The following PDE3A variants were observed in gnomAD, a reference collection of about 807,000 sequenced individuals.
PDE3A encodes the protein cGMP-inhibited 3',5'-cyclic phosphodiesterase 3A.
In PDE3A, 43 loss-of-function variants were observed where a neutral mutation model predicts 98.3. That is an observed-to-expected ratio of 0.44 (90% CI 0.34 to 0.56). The LOEUF (loss-of-function observed/expected upper bound fraction) is 0.56, where lower values mean the gene tolerates loss of function less well. Among genes scored for constraint, PDE3A ranks in the 20% least tolerant of loss-of-function variants. The pLI, the probability that PDE3A is intolerant of heterozygous loss-of-function variation, is 0.01. For missense variants in PDE3A, 1,427 were observed against 1,440.7 expected, an observed-to-expected ratio of 0.99 and a Z score of 0.15; for synonymous variants, 663 against 567.9, an observed-to-expected ratio of 1.17 and a Z score of -2.38.
At chr12:20,498,837 T>G (rs1280359070) in intron 1 of PDE3A, among the ~76,000 whole-genome samples, 1 of 152,194 alleles carries the variant, frequency 6.6e-6, no homozygotes, top group Non-Finnish European at 1.5e-5. Flanking sequence ...TTTCTTTTTC[T>G]CTTTCCTTGC....
intron 1 of PDE3A, among the ~76,000 whole-genome samples, chr12:20,500,905 C>T (rs1317049387): frequency 6.6e-6 from 1 of 151,616 alleles, no homozygotes; most frequent in Non-Finnish European, 1.5e-5. Context: ...GTAGCTGGAA[C>T]TACAAGTGTG....
At chr12:20,530,342 T>A (rs913867512) in intron 1 of PDE3A, among the ~76,000 whole-genome samples, 3 of 152,214 alleles carry the variant, frequency 2.0e-5, no homozygotes, top group Non-Finnish European at 4.4e-5. Context: ...CTACAACTTA[T>A]GGGCATACCC....
chr12:20,675,955 A>G (rs1026652645), intron 15 of PDE3A, among the ~76,000 whole-genome samples: 2 of 152,182 alleles, frequency 1.3e-5, no homozygotes, highest in East Asian at 3.8e-4. Context: ...TTGTGAATGG[A>G]AATCTTAGTC....
intron 2 of PDE3A, among the ~76,000 whole-genome samples, chr12:20,598,053 AT>A (rs1404085809): frequency 6.6e-6 from 1 of 152,160 alleles, no homozygotes; most frequent in Non-Finnish European, 1.5e-5. Flanking sequence ...TTTTCCAAAA[AT>A]ATTTTTACAA....
intron 1 of PDE3A, among the ~76,000 whole-genome samples, chr12:20,403,884 C>T (rs1944179362): frequency 6.6e-6 from 1 of 151,896 alleles, no homozygotes; most frequent in African/African-American, 2.4e-5. Flanking sequence ...ATATATGTAT[C>T]TTGAGAGACG....
At chr12:20,402,253 A>G (rs1944146871) in intron 1 of PDE3A, among the ~76,000 whole-genome samples, 1 of 152,084 alleles carries the variant, frequency 6.6e-6, no homozygotes, top group Non-Finnish European at 1.5e-5. Context: ...GGGTCAAGCA[A>G]TTCTCCTGGC....
chr12:20,627,982 C>T (rs1024922037), intron 5 of PDE3A, among the ~76,000 whole-genome samples: 9 of 152,172 alleles, frequency 5.9e-5, no homozygotes, highest in African/African-American at 2.2e-4. Flanking sequence ...TTAACCTTTA[C>T]ATCAGAGCAC....
Position 20,617,918 on chromosome 12 carries a change from G to A in PDE3A, c.1424+1534G>A, listed in dbSNP as rs534952715. Among the ~76,000 whole-genome samples the A allele has an allele frequency of 2.6e-5, 4 of 152,178 alleles. No individual in the cohort carries two copies. In the South Asian group the frequency reaches 6.2e-4, roughly 24 times the overall value. ...TTCCAAGGACTTTTAAGAACTTAAC[G>A]CCCAAGGATCTTGTCATTCTTCTTT... On this transcript the variant is annotated intron_variant, in intron 4 of 15. Transcript: ENST00000359062.
chr12:20,429,408 T>C (rs1944657402), intron 1 of PDE3A, among the ~76,000 whole-genome samples: 1 of 152,224 alleles, frequency 6.6e-6, no homozygotes, highest in Non-Finnish European at 1.5e-5. Context: ...TGCTGCAGGC[T>C]ACAGCCCTTT....
At chr12:20,511,998 A>G (rs1425145989) in intron 1 of PDE3A, among the ~76,000 whole-genome samples, 2 of 152,108 alleles carry the variant, frequency 1.3e-5, no homozygotes, top group African/African-American at 4.8e-5. Flanking sequence ...AATATACACG[A>G]CTAGCATTAA....
intron 14 of PDE3A, among the ~76,000 whole-genome samples, chr12:20,652,623 T>G (rs1159398196): frequency 2.0e-5 from 3 of 152,178 alleles, no homozygotes; most frequent in African/African-American, 7.2e-5. Flanking sequence ...GTTGTTTGTT[T>G]TTTTCTTGTA....
intron 15 of PDE3A, among the ~76,000 whole-genome samples, chr12:20,677,960 G>C (rs905268430): frequency 4.6e-5 from 7 of 151,218 alleles, no homozygotes; most frequent in Admixed American, 4.6e-4. Context: ...TGGGGACAGG[G>C]ATGTGATGTG....
intron 12 of PDE3A, 48 bp downstream of exon 12, chr12:20,646,998 A>T: frequency 2.3e-6 from 3 of 1,328,368 alleles, no homozygotes; most frequent in Non-Finnish European, 3.2e-6. Flanking sequence ...AGATTTCTCA[A>T]GAAAGTGAAG....
chr12:20,551,637 C>A, intron 1 of PDE3A: 1 of 1,585,202 alleles, frequency 6.3e-7, no homozygotes, highest in Non-Finnish European at 8.6e-7. Flanking sequence ...GCGATGAGTG[C>A]GACATGGCCT....
At chr12:20,499,445 A>T (rs972798129) in intron 1 of PDE3A, among the ~76,000 whole-genome samples, 4 of 152,162 alleles carry the variant, frequency 2.6e-5, no homozygotes, top group African/African-American at 9.7e-5. Context: ...TCTGTTTTAG[A>T]ATTTATAATA....
intron 1 of PDE3A, among the ~76,000 whole-genome samples, chr12:20,502,933 T>C (rs919452313): frequency 6.6e-6 from 1 of 152,146 alleles, no homozygotes; most frequent in African/African-American, 2.4e-5. Context: ...TATGTCCCTT[T>C]GTGAAAGATA....
chr12:20,445,194 C>T (rs921587336), intron 1 of PDE3A, among the ~76,000 whole-genome samples: 3 of 152,222 alleles, frequency 2.0e-5, no homozygotes, highest in East Asian at 1.9e-4. Context: ...AAATGGAAGT[C>T]GAGAGGTGAA....
At chr12:20,513,256 G>A (rs1290711962) in intron 1 of PDE3A, among the ~76,000 whole-genome samples, 2 of 152,066 alleles carry the variant, frequency 1.3e-5, no homozygotes, top group African/African-American at 2.4e-5. Flanking sequence ...TACGATTTTA[G>A]CAGTAAACTA....
At chr12:20,659,189 G>A (rs1221734436) in intron 15 of PDE3A, among the ~76,000 whole-genome samples, 1 of 151,894 alleles carries the variant, frequency 6.6e-6, no homozygotes, top group Non-Finnish European at 1.5e-5. Context: ...CTCTGCCTGT[G>A]TTCATTTCCC....
Sources: gnomAD v4.1 joint callset for allele counts (sites outside exome capture counted in the v4.1 genomes callset) on GRCh38, gnomAD v4.1.1 for gene constraint, MANE v1.5 for transcripts, NCBI Gene and HGNC (gene_info 2026-07-23, HGNC 2026-07-21) for gene names.